Variants in HMBOX1 observed in about 807,000 individuals in gnomAD.
HMBOX1 encodes homeobox containing 1, also known as homeobox-containing protein 1.
In HMBOX1, 14 loss-of-function variants were observed where a neutral mutation model predicts 54.5. That is an observed-to-expected ratio of 0.26 (90% CI 0.17 to 0.40). The LOEUF is 0.40. Among genes scored for constraint, HMBOX1 ranks in the 10% least tolerant of loss-of-function variants. HMBOX1 has a pLI of 1.00. For synonymous variants in HMBOX1, 160 were observed against 181.0 expected, an observed-to-expected ratio of 0.88 and a Z score of 0.93; for missense variants, 332 against 514.4, an observed-to-expected ratio of 0.65 and a Z score of 3.43.
intron 6 of HMBOX1, among the ~76,000 whole-genome samples, chr8:29,022,610 A>C (rs930997318): frequency 2.6e-5 from 4 of 152,172 alleles, no homozygotes; most frequent in Non-Finnish European, 5.9e-5. Flanking sequence ...TAAAGAACAA[A>C]AAACTCTGTA....
chr8:28,917,463 T>G (rs1242077251), intron 1 of HMBOX1, among the ~76,000 whole-genome samples: 1 of 152,168 alleles, frequency 6.6e-6, no homozygotes, highest in African/African-American at 2.4e-5. Context: ...TCTAGAAACC[T>G]TAAGATTTTC....
chr8:28,963,273 C>G (rs939056519), intron 1 of HMBOX1, among the ~76,000 whole-genome samples: 7 of 152,294 alleles, frequency 4.6e-5, no homozygotes, highest in African/African-American at 1.7e-4. Context: ...CATGAGCCAC[C>G]ACGCCTGGCC....
At chr8:29,028,582 C>T (rs1165694797) in intron 6 of HMBOX1, among the ~76,000 whole-genome samples, 1 of 152,100 alleles carries the variant, frequency 6.6e-6, no homozygotes, top group Non-Finnish European at 1.5e-5. Flanking sequence ...ACTAACAGTT[C>T]CAGAAACTAA....
chr8:28,937,752 C>A (rs959689235), intron 1 of HMBOX1, among the ~76,000 whole-genome samples: 1 of 152,038 alleles, frequency 6.6e-6, no homozygotes, highest in Non-Finnish European at 1.5e-5. Context: ...AAAATGTGAT[C>A]GATCATCAGA....
At chr8:29,015,810 CT>C (rs1834912091) in intron 5 of HMBOX1, among the ~76,000 whole-genome samples, 1 of 152,158 alleles carries the variant, frequency 6.6e-6, no homozygotes, top group Non-Finnish European at 1.5e-5. Context: ...GTTATATGAT[CT>C]CTATCATAGC....
chr8:28,891,935 A>G (rs1028627660), intron 1 of HMBOX1: 4 of 152,300 alleles, frequency 2.6e-5, no homozygotes, highest in African/African-American at 9.6e-5. Flanking sequence ...TGACTAGCTC[A>G]TTTCTCTGGT....
intron 1 of HMBOX1, among the ~76,000 whole-genome samples, chr8:28,905,384 G>A (rs1050260070): frequency 1.3e-5 from 2 of 152,124 alleles, no homozygotes; most frequent in African/African-American, 2.4e-5. Context: ...CAGAGAGAGA[G>A]AGAGAAGCAA....
At chr8:28,916,083 C>T (rs977354293) in intron 1 of HMBOX1, among the ~76,000 whole-genome samples, 4 of 152,162 alleles carry the variant, frequency 2.6e-5, no homozygotes, top group African/African-American at 9.7e-5. Flanking sequence ...GTTATAGTTT[C>T]TACTTTGTCT....
intron 8 of HMBOX1, 106 bp downstream of exon 8, chr8:29,047,559 C>CT: frequency 4.1e-6 from 2 of 488,290 alleles, no homozygotes; most frequent in South Asian, 2.7e-5. Flanking sequence ...AGGATCCTAA[C>CT]TTCTCTTTTT....
intron 4 of HMBOX1, among the ~76,000 whole-genome samples, chr8:28,981,133 C>T (rs920644092): frequency 3.3e-5 from 5 of 152,218 alleles, no homozygotes; most frequent in African/African-American, 4.8e-5. Flanking sequence ...TGTTACTGGC[C>T]ATTAATTTGG....
intron 1 of HMBOX1, among the ~76,000 whole-genome samples, chr8:28,935,664 A>C (rs1820285476): frequency 6.6e-6 from 1 of 152,214 alleles, no homozygotes; most frequent in Admixed American, 6.5e-5. Flanking sequence ...AAACATGAAC[A>C]ATAAGAGAAT....
intron 4 of HMBOX1, among the ~76,000 whole-genome samples, chr8:28,983,033 C>A (rs1040190847): frequency 2.0e-5 from 3 of 152,132 alleles, no homozygotes; most frequent in Non-Finnish European, 2.9e-5. Context: ...CTCCTGTTTT[C>A]GCAAGCAAGA....
intron 4 of HMBOX1, among the ~76,000 whole-genome samples, chr8:28,993,856 A>T (rs1223312355): frequency 6.6e-6 from 1 of 152,112 alleles, no homozygotes; most frequent in Non-Finnish European, 1.5e-5. Flanking sequence ...CATAAGAATA[A>T]CTAAGAGATT....
intron 6 of HMBOX1, among the ~76,000 whole-genome samples, chr8:29,039,903 A>T (rs1804572883): frequency 1.3e-5 from 2 of 152,172 alleles, no homozygotes; most frequent in Admixed American, 1.3e-4. Context: ...ATCTCAGGCA[A>T]ACCAGGGTGT....
chr8:28,997,860 T>G (rs1308818500), intron 4 of HMBOX1, among the ~76,000 whole-genome samples: 1 of 152,212 alleles, frequency 6.6e-6, no homozygotes, highest in Non-Finnish European at 1.5e-5. Context: ...CTGTCTATAG[T>G]TTTCCTGTGG....
intron 4 of HMBOX1, among the ~76,000 whole-genome samples, chr8:28,990,109 A>G (rs1353391398): frequency 1.3e-5 from 2 of 152,130 alleles, no homozygotes; most frequent in East Asian, 1.9e-4. Context: ...AGGATTTTCT[A>G]TACAATCATG....
At chr8:28,991,982 C>T (rs147698577) in intron 4 of HMBOX1, among the ~76,000 whole-genome samples, 1 of 152,326 alleles carries the variant, frequency 6.6e-6, no homozygotes, top group Non-Finnish European at 1.5e-5. Context: ...TCCTCAGTTA[C>T]AAATGAGAAA....
intron 6 of HMBOX1, among the ~76,000 whole-genome samples, chr8:29,021,454 T>A (rs919844031): frequency 2.0e-5 from 3 of 151,610 alleles, no homozygotes; most frequent in Non-Finnish European, 2.9e-5. Flanking sequence ...GAAAAAAAAA[T>A]TGCAACTTTT....
Position 29,051,014 on chromosome 8 carries a change from C to T in HMBOX1, c.1126-4C>T. ...AATAACATTTCTTATTTCTGCACAT[C>T]TAGGATGACAGTACGAGCCATAGTG... On this transcript the variant is annotated splice_region_variant and splice_polypyrimidine_tract_variant and intron_variant, in intron 9 of 9. Coordinates refer to ENST00000287701, the MANE Select transcript of HMBOX1 (RefSeq NM_001135726.3). 6.2e-7 allele frequency: 1 copy of T among 1,610,610 alleles called. No homozygotes were observed. Among genetic ancestry groups the T allele is most frequent in the Non-Finnish European group, 8.5e-7 (1 of 1,179,074 alleles).
Sources: allele counts gnomAD v4.1 joint callset (sites outside exome capture counted in the v4.1 genomes callset), GRCh38; gene constraint gnomAD v4.1.1; transcripts MANE v1.5; gene names NCBI Gene and HGNC (gene_info 2026-07-23, HGNC 2026-07-21).